PPM1L: variants seen among roughly 807,000 people sequenced by gnomAD.
The protein encoded by PPM1L is protein phosphatase 1L.
Under a neutral mutation model 31.4 loss-of-function variants are expected in PPM1L, and 13 were observed. That is an observed-to-expected ratio of 0.41 (90% confidence interval 0.27 to 0.66). The LOEUF is 0.66. Ranked by LOEUF, PPM1L falls within the 30% of genes least tolerant of loss-of-function variation. The pLI is 0.29. For synonymous variants in PPM1L, 184 were observed against 175.4 expected, an observed-to-expected ratio of 1.05 and a Z score of -0.39; for missense variants, 326 against 453.7, an observed-to-expected ratio of 0.72 and a Z score of 2.56.
chr3:161,023,056 T>C (rs1304095672), intron 2 of PPM1L, among the ~76,000 whole-genome samples: 1 of 152,172 alleles, frequency 6.6e-6, no homozygotes, highest in African/African-American at 2.4e-5. Context: ...CCCACTGCCT[T>C]CTGATGTCCA....
At chr3:160,815,166 A>G (rs1576651392) in intron 1 of PPM1L, among the ~76,000 whole-genome samples, 1 of 151,938 alleles carries the variant, frequency 6.6e-6, no homozygotes, top group African/African-American at 2.4e-5. Flanking sequence ...GAAATTAAAA[A>G]AGAGAGAGAG....
chr3:160,820,807 G>A (rs1275581356), intron 1 of PPM1L, among the ~76,000 whole-genome samples: 2 of 151,908 alleles, frequency 1.3e-5, no homozygotes, highest in Non-Finnish European at 2.9e-5. Flanking sequence ...TGTTTTTAAT[G>A]TTTTGGCAAT....
intron 1 of PPM1L, among the ~76,000 whole-genome samples, chr3:160,933,762 C>A (rs1714867134): frequency 6.6e-6 from 1 of 151,532 alleles, no homozygotes; most frequent in Non-Finnish European, 1.5e-5. Context: ...TTCTTCCTGT[C>A]TTTATTTGAA....
At chr3:160,963,669 A>G (rs574143319) in intron 2 of PPM1L, among the ~76,000 whole-genome samples, 1 of 152,178 alleles carries the variant, frequency 6.6e-6, no homozygotes, top group African/African-American at 2.4e-5. Context: ...AGGGGGATGC[A>G]TTCTAGTGGA....
At chr3:160,992,182 G>A (rs772683835) in intron 2 of PPM1L, among the ~76,000 whole-genome samples, 16 of 152,120 alleles carry the variant, frequency 1.1e-4, no homozygotes, top group Non-Finnish European at 1.5e-5. Context: ...GCTTAGTAAA[G>A]GATATGGGTG....
intron 1 of PPM1L, among the ~76,000 whole-genome samples, chr3:160,871,543 T>C (rs1167660138): frequency 6.6e-6 from 1 of 152,178 alleles, no homozygotes; most frequent in Admixed American, 6.6e-5. Context: ...ACCTCAGCCA[T>C]CTAAACAAGA....
intron 1 of PPM1L, among the ~76,000 whole-genome samples, chr3:160,955,145 G>C (rs1715728637): frequency 6.6e-6 from 1 of 151,740 alleles, no homozygotes; most frequent in African/African-American, 2.4e-5. Flanking sequence ...CGAGTAGCTG[G>C]GACTACAGGC....
intron 1 of PPM1L, among the ~76,000 whole-genome samples, chr3:160,779,017 C>G (rs917969321): frequency 2.7e-5 from 4 of 150,492 alleles, no homozygotes; most frequent in Non-Finnish European, 4.4e-5. Flanking sequence ...AGTAAACAGT[C>G]TAAAAATGCT....
At chr3:160,795,947 C>T (rs1198982368) in intron 1 of PPM1L, among the ~76,000 whole-genome samples, 1 of 152,084 alleles carries the variant, frequency 6.6e-6, no homozygotes, top group Non-Finnish European at 1.5e-5. Context: ...GTTATTTTCC[C>T]AGAGAAAGCC....
intron 1 of PPM1L, among the ~76,000 whole-genome samples, chr3:160,922,029 G>T (rs1158175496): frequency 6.6e-6 from 1 of 152,048 alleles, no homozygotes; most frequent in Non-Finnish European, 1.5e-5. Flanking sequence ...TCCTGCTGAC[G>T]GCTGGGCACG....
chr3:161,068,808 T>C lies in PPM1L; in HGVS notation c.737-3T>C, dbSNP rs757293680. 6.2e-7 allele frequency: 1 copy of C among 1,605,030 alleles called. No homozygotes were observed. Among genetic ancestry groups the C allele is most frequent in the Non-Finnish European group, 8.5e-7 (1 of 1,175,486 alleles). ...AACTAATGGGCTCATCCTGTCTTTC[T>C]AGGTGGTTTCATCAGTTTCAATGGC... On this transcript the variant is annotated splice_polypyrimidine_tract_variant and splice_region_variant and intron_variant, in intron 3 of 3. Coordinates refer to ENST00000498165, the MANE Select transcript of PPM1L (RefSeq NM_139245.4).
At chr3:160,873,451 G>A (rs1712389872) in intron 1 of PPM1L, among the ~76,000 whole-genome samples, 2 of 152,094 alleles carry the variant, frequency 1.3e-5, no homozygotes, top group South Asian at 2.1e-4. Context: ...CTTGCCCTGG[G>A]TATATACAAA....
At chr3:160,764,465 C>T (rs1715053286) in intron 1 of PPM1L, among the ~76,000 whole-genome samples, 1 of 151,184 alleles carries the variant, frequency 6.6e-6, no homozygotes, top group African/African-American at 2.4e-5. Context: ...TTCTCCCTCT[C>T]TCTCTCTCTC....
intron 1 of PPM1L, among the ~76,000 whole-genome samples, chr3:160,811,542 T>C (rs1712805210): frequency 6.6e-6 from 1 of 152,250 alleles, no homozygotes; most frequent in Non-Finnish European, 1.5e-5. Context: ...TCTGGCTCTT[T>C]ACAGAAAAAG....
intron 2 of PPM1L, among the ~76,000 whole-genome samples, chr3:160,983,195 T>G (rs1479495968): frequency 6.6e-6 from 1 of 152,216 alleles, no homozygotes; most frequent in African/African-American, 2.4e-5. Context: ...CTGAAAGTGT[T>G]ATGAGCCTGA....
At chr3:161,045,830 G>A (rs945801969) in intron 2 of PPM1L, among the ~76,000 whole-genome samples, 2 of 152,000 alleles carry the variant, frequency 1.3e-5, no homozygotes, top group Non-Finnish European at 2.9e-5. Context: ...AATCAATGAG[G>A]GCCAGGCGTG....
At chr3:160,811,549 A>G (rs1036839032) in intron 1 of PPM1L, among the ~76,000 whole-genome samples, 2 of 152,268 alleles carry the variant, frequency 1.3e-5, no homozygotes, top group African/African-American at 4.8e-5. Flanking sequence ...CTTTACAGAA[A>G]AAGTTTCCCA....
At chr3:160,835,082 C>CTTCTTCTTCTTCTTCT (rs1403731631) in intron 1 of PPM1L, among the ~76,000 whole-genome samples, 80 of 141,662 alleles carry the variant, frequency 5.6e-4, no homozygotes, top group African/African-American at 2.2e-3. Context: ...TCTTCTTCTT[C>CTTCTTCTTCTTCTTCT]TTCTTTCTTT....
At chr3:160,805,286 C>G (rs1712562732) in intron 1 of PPM1L, among the ~76,000 whole-genome samples, 5 of 151,856 alleles carry the variant, frequency 3.3e-5, no homozygotes, top group Non-Finnish European at 2.9e-5. Context: ...AGTAATAATT[C>G]CTGTATTAAA....
Sources: gnomAD v4.1 joint callset for allele counts (sites outside exome capture counted in the v4.1 genomes callset) on GRCh38, gnomAD v4.1.1 for gene constraint, MANE v1.5 for transcripts, NCBI Gene and HGNC (gene_info 2026-07-23, HGNC 2026-07-21) for gene names.